Variants in SLC35D4 observed in about 807,000 individuals in gnomAD.
SLC35D4 encodes solute carrier family 35 member D4.
chr18:23,252,898 G>C, the SLC35D4 span: 7 of 1,118,746 alleles, frequency 6.3e-6, no homozygotes, highest in South Asian at 7.6e-5. Flanking sequence ...CGTAGTTGGT[G>C]CATAATTATT....
chr18:23,378,907 CCT>C, the SLC35D4 span, among the ~76,000 whole-genome samples: 6 of 152,138 alleles, frequency 3.9e-5, no homozygotes, highest in East Asian at 1.9e-4. Context: ...TAAAGTTTCC[CCT>C]GTTTTAATGA....
At chr18:23,431,493 A>C in the SLC35D4 span, among the ~76,000 whole-genome samples, 4 of 152,140 alleles carry the variant, frequency 2.6e-5, no homozygotes, top group Admixed American at 2.6e-4. Context: ...TTCAAGTAAA[A>C]TCACCTCCTA....
At chr18:23,425,416 T>C in the SLC35D4 span, among the ~76,000 whole-genome samples, 3 of 152,200 alleles carry the variant, frequency 2.0e-5, no homozygotes, top group Non-Finnish European at 2.9e-5. Flanking sequence ...AATGACTTTA[T>C]ACAGATGCTC....
chr18:23,395,232 C>T, the SLC35D4 span, among the ~76,000 whole-genome samples: 1 of 152,152 alleles, frequency 6.6e-6, no homozygotes, highest in African/African-American at 2.4e-5. Flanking sequence ...AACATTTACA[C>T]TCTTCCTTTG....
the SLC35D4 span, among the ~76,000 whole-genome samples, chr18:23,326,104 C>T: frequency 6.6e-6 from 1 of 152,174 alleles, no homozygotes; most frequent in African/African-American, 2.4e-5. Flanking sequence ...GCCTGGTGGC[C>T]CTGCCATGTT....
At chr18:23,308,677 T>A in the SLC35D4 span, among the ~76,000 whole-genome samples, 1 of 152,076 alleles carries the variant, frequency 6.6e-6, no homozygotes, top group Non-Finnish European at 1.5e-5. Flanking sequence ...TCCCCCAGCA[T>A]CCCCATGGCT....
At chr18:23,389,913 T>G in the SLC35D4 span, among the ~76,000 whole-genome samples, 1 of 152,140 alleles carries the variant, frequency 6.6e-6, no homozygotes, top group Admixed American at 6.5e-5. Flanking sequence ...CTATAACCCA[T>G]TAGTTCAGGA....
the SLC35D4 span, among the ~76,000 whole-genome samples, chr18:23,246,194 G>A: frequency 6.6e-5 from 10 of 151,582 alleles, no homozygotes; most frequent in African/African-American, 2.2e-4. Context: ...AACCTGGGAG[G>A]CAGAGGCTGC....
the SLC35D4 span, chr18:23,298,152 CT>C: frequency 6.7e-7 from 1 of 1,499,446 alleles, no homozygotes; most frequent in Non-Finnish European, 9.2e-7. Context: ...GCAAGGGGTG[CT>C]TCCCCTCATC....
the SLC35D4 span, among the ~76,000 whole-genome samples, chr18:23,340,238 G>A: frequency 3.3e-5 from 5 of 152,186 alleles, no homozygotes; most frequent in East Asian, 1.9e-4. Flanking sequence ...TGGGGAGGCC[G>A]AGGCAGGCAG....
the SLC35D4 span, among the ~76,000 whole-genome samples, chr18:23,391,319 G>A: frequency 4.6e-5 from 7 of 152,148 alleles, no homozygotes; most frequent in East Asian, 5.8e-4. Flanking sequence ...AACCAGAGAC[G>A]CATGGATTTT....
At chr18:23,298,918 G>A in the SLC35D4 span, among the ~76,000 whole-genome samples, 1 of 152,092 alleles carries the variant, frequency 6.6e-6, no homozygotes, top group African/African-American at 2.4e-5. Context: ...TGCAACACAC[G>A]CCCAGGCCAC....
the SLC35D4 span, among the ~76,000 whole-genome samples, chr18:23,288,424 C>T: frequency 6.6e-6 from 1 of 152,124 alleles, no homozygotes; most frequent in Non-Finnish European, 1.5e-5. Flanking sequence ...TTATTCAGGC[C>T]CCGTCCCTTC....
chr18:23,256,111 T>G, the SLC35D4 span, among the ~76,000 whole-genome samples: 1 of 152,194 alleles, frequency 6.6e-6, no homozygotes, highest in African/African-American at 2.4e-5. Context: ...TAACTCAAGG[T>G]CTCATCCCAG....
chr18:23,257,108 T>C, the SLC35D4 span: 2 of 1,133,940 alleles, frequency 1.8e-6, no homozygotes, highest in African/African-American at 1.6e-5. Flanking sequence ...CACAGAGCTT[T>C]GCCCAAAGTG....
chr18:23,424,743 A>T, the SLC35D4 span, among the ~76,000 whole-genome samples: 1 of 152,208 alleles, frequency 6.6e-6, no homozygotes, highest in African/African-American at 2.4e-5. Context: ...ACAGTGGCTC[A>T]CACCTGTAAT....
chr18:23,357,940 C>T, the SLC35D4 span, among the ~76,000 whole-genome samples: 1 of 152,198 alleles, frequency 6.6e-6, no homozygotes, highest in Admixed American at 6.5e-5. Context: ...AATAGCTCTA[C>T]TGTCAAACCG....
chr18:23,274,328 C>T, the SLC35D4 span, among the ~76,000 whole-genome samples: 1 of 152,302 alleles, frequency 6.6e-6, no homozygotes, highest in African/African-American at 2.4e-5. Flanking sequence ...GAGCCCTCAG[C>T]GGTGGCAGCT....
the SLC35D4 span, among the ~76,000 whole-genome samples, chr18:23,347,343 T>G: frequency 2.6e-5 from 4 of 152,184 alleles, no homozygotes; most frequent in Non-Finnish European, 5.9e-5. Flanking sequence ...ACAATCCTTT[T>G]AGCTTCTATA....
Sources: gnomAD v4.1 joint callset for allele counts (sites outside exome capture counted in the v4.1 genomes callset) on GRCh38, gnomAD v4.1.1 for gene constraint, MANE v1.5 for transcripts, NCBI Gene and HGNC (gene_info 2026-07-23, HGNC 2026-07-21) for gene names.